The following TTC23 variants were observed in gnomAD, a reference collection of about 807,000 sequenced individuals.
TTC23 encodes the protein tetratricopeptide repeat protein 23.
Under a neutral mutation model 55.1 loss-of-function variants are expected in TTC23, and 58 were observed. That is an observed-to-expected ratio of 1.05 (90% CI 0.85 to 1.31). The LOEUF (loss-of-function observed/expected upper bound fraction) is 1.31. Among genes scored for constraint, TTC23 ranks in the 50% most tolerant of loss-of-function variants. The pLI is 0.00. For missense variants in TTC23, 516 were observed against 534.4 expected, an observed-to-expected ratio of 0.97 and a Z score of 0.34; for synonymous variants, 203 against 199.9, an observed-to-expected ratio of 1.02 and a Z score of -0.13.
chr15:99,213,881 G>C (rs897541918), intron 8 of TTC23, among the ~76,000 whole-genome samples: 1 of 152,176 alleles, frequency 6.6e-6, no homozygotes, highest in African/African-American at 2.4e-5. Flanking sequence ...GTGAAAACAT[G>C]CATGCATTTC....
intron 3 of TTC23, among the ~76,000 whole-genome samples, chr15:99,238,042 T>C (rs563993778): frequency 6.6e-6 from 1 of 152,304 alleles, no homozygotes; most frequent in African/African-American, 2.4e-5. Flanking sequence ...CTCGGCTCAC[T>C]GCAACCTCCG....
chr15:99,197,834 A>C (rs999702541), intron 9 of TTC23, among the ~76,000 whole-genome samples: 2 of 151,730 alleles, frequency 1.3e-5, no homozygotes, highest in Non-Finnish European at 2.9e-5. Context: ...TGAACCCAGG[A>C]GGTGGAGGTT....
chr15:99,204,428 G>A (rs1054300883), intron 8 of TTC23, among the ~76,000 whole-genome samples: 1 of 152,004 alleles, frequency 6.6e-6, no homozygotes, highest in Admixed American at 6.6e-5. Context: ...CACACATTCT[G>A]TGGATTGTTT....
At chr15:99,151,268 G>A (rs2069698463) in intron 12 of TTC23, 1 of 152,356 alleles carries the variant, frequency 6.6e-6, no homozygotes, top group Admixed American at 6.5e-5. Flanking sequence ...AGTTACCTTG[G>A]AAGCACCATG....
In TTC23 at chr15:99,218,999, G is replaced by A. The variant is rs376561365; in HGVS notation, c.354C>T (p.Leu118=). 29 of 1,614,192 alleles carry A rather than the reference G, an allele frequency of 1.8e-5. No homozygotes were observed. The highest frequency in any genetic ancestry group is 3.3e-5 in the Admixed American group (2 of 60,020). ...KQHAEKARQI[L]ANSIVPPYSE... is the part of the protein sequence containing the mutation. ...TATAGGGAGGCACAATGGAGTTGGC[G>A]AGGATTTGTCTGGCTTTTTCTGCAT... is the stretch of plus-strand genomic sequence containing the variant. Residue 118 remains leucine (L), a synonymous_variant, in exon 7 of 14, where the codon CTC becomes CTT. Transcript: ENST00000394132.
intron 9 of TTC23, 78 bp from the exon 10 acceptor site, chr15:99,175,233 T>C (rs181730752): frequency 8.3e-7 from 1 of 1,205,538 alleles, no homozygotes; most frequent in African/African-American, 1.5e-5. Flanking sequence ...CTTGCAGAGA[T>C]AAGCAGAAAG....
At chr15:99,156,685 A>T (rs543130133) in intron 11 of TTC23, among the ~76,000 whole-genome samples, 1 of 152,216 alleles carries the variant, frequency 6.6e-6, no homozygotes, top group South Asian at 2.1e-4. Context: ...CCATGGTTCA[A>T]TCACCTCCCA....
intron 4 of TTC23, among the ~76,000 whole-genome samples, chr15:99,233,815 T>A (rs2079106949): frequency 6.6e-6 from 1 of 152,146 alleles, no homozygotes; most frequent in East Asian, 1.9e-4. Context: ...GGCAAGGCAG[T>A]TTGTACTGCT....
chr15:99,185,644 C>G (rs1335115924), intron 9 of TTC23, among the ~76,000 whole-genome samples: 1 of 152,204 alleles, frequency 6.6e-6, no homozygotes, highest in Non-Finnish European at 1.5e-5. Flanking sequence ...CATAAACATA[C>G]TCTCACTCAC....
intron 12 of TTC23, among the ~76,000 whole-genome samples, chr15:99,141,680 G>C (rs1243219685): frequency 1.3e-5 from 2 of 152,116 alleles, no homozygotes; most frequent in African/African-American, 4.8e-5. Flanking sequence ...ACCATTTTTA[G>C]GTCTTCAAGA....
chr15:99,147,043 TA>T (rs2068966895), intron 12 of TTC23, among the ~76,000 whole-genome samples: 1 of 150,948 alleles, frequency 6.6e-6, no homozygotes, highest in Non-Finnish European at 1.5e-5. Flanking sequence ...GCCTCCCAAG[TA>T]GCTGAGATTA....
At chr15:99,214,580 C>T (rs1567505408) in intron 8 of TTC23, among the ~76,000 whole-genome samples, 1 of 151,444 alleles carries the variant, frequency 6.6e-6, no homozygotes, top group Non-Finnish European at 1.5e-5. Flanking sequence ...TGAGCACCAC[C>T]ACACTTGGAT....
rs1389599555 is a variant in TTC23 at position 99,241,573 on chromosome 15, T to A, written c.-308-14A>T. 1 of 152,256 alleles carries A rather than the reference T, an allele frequency of 6.6e-6. No individual in the cohort carries two copies. Among genetic ancestry groups the A allele is most frequent in the Non-Finnish European group, 1.5e-5 (1 of 68,102 alleles). 9.4% of individuals were successfully genotyped at this position (152,256 alleles called of 1,614,324 possible). On this transcript the variant is annotated splice_polypyrimidine_tract_variant and intron_variant, in intron 2 of 13. Transcript: ENST00000394132. ...CTTCTGCCAGACCTGCCCAGTAGAA[T>A]GTTAAAGCACATAATCAGCCCCAGA...
At chr15:99,203,708 T>C (rs879287128) in intron 8 of TTC23, among the ~76,000 whole-genome samples, 125 of 151,892 alleles carry the variant, frequency 8.2e-4, no homozygotes, top group Non-Finnish European at 1.4e-3. Flanking sequence ...TTCTTTCTTT[T>C]TTTTTTAAAT....
chr15:99,159,819 A>G (rs1335362800), intron 11 of TTC23: 1 of 152,272 alleles, frequency 6.6e-6, no homozygotes, highest in Admixed American at 6.5e-5. Context: ...TTCTGAGTGG[A>G]TTAGAAGAGG....
chr15:99,144,932 C>G (rs1334630919), intron 12 of TTC23: 4 of 152,204 alleles, frequency 2.6e-5, no homozygotes, highest in Non-Finnish European at 4.4e-5. Context: ...AAGGCTGATA[C>G]TAAGAGAAAA....
chr15:99,212,480 C>G (rs1359122343), intron 8 of TTC23, among the ~76,000 whole-genome samples: 1 of 152,162 alleles, frequency 6.6e-6, no homozygotes, highest in African/African-American at 2.4e-5. Context: ...TTTGGATTCA[C>G]TCTCCAAAGT....
intron 10 of TTC23, among the ~76,000 whole-genome samples, chr15:99,163,968 A>G (rs2071718183): frequency 1.3e-5 from 2 of 152,200 alleles, no homozygotes; most frequent in South Asian, 4.1e-4. Flanking sequence ...GAATCTCTAA[A>G]ATGAAGATAA....
rs1278698890 is a variant in TTC23, at chr15:99,157,660, G to A, written c.994-1363C>T. The A allele has an allele frequency of 2.0e-5, 3 of 152,158 alleles. No individual in the cohort carries two copies. The East Asian group carries it at 5.8e-4, about 29-fold the overall frequency. The allele number at this position is 152,158 out of a possible 1,614,324, so 9.4% of individuals were successfully genotyped here. ...GGCTTGGCTATTCTCATAGGAAATC[G>A]TTTAGGAAACTGAAAGTAAACATTC... On this transcript the variant is annotated intron_variant, in intron 11 of 13. Coordinates refer to ENST00000394132, the MANE Select transcript of TTC23 (RefSeq NM_001288615.3).
Sources: allele counts gnomAD v4.1 joint callset (sites outside exome capture counted in the v4.1 genomes callset), GRCh38; gene constraint gnomAD v4.1.1; transcripts MANE v1.5; gene names NCBI Gene and HGNC (gene_info 2026-07-23, HGNC 2026-07-21).